The following USH2A variants were observed in gnomAD, a reference collection of about 807,000 sequenced individuals.
USH2A encodes the protein usherin.
USH2A carries 443 observed loss-of-function variants against 538.9 expected under a neutral mutation model. The ratio of observed to expected loss-of-function variants is 0.82; its 90% CI spans 0.76 to 0.89. The LOEUF is 0.89. USH2A is among the 40% of genes least tolerant of loss of function. The pLI is 0.00. For synonymous variants in USH2A, 2,413 were observed against 2,273.5 expected (o/e 1.06, Z -1.75); for missense variants, 6,633 against 6,324.8 (o/e 1.05, Z -1.65).
chr1:215,903,874 G>A (rs1472050416), intron 38 of USH2A, among the ~76,000 whole-genome samples: 1 of 152,036 alleles, frequency 6.6e-6, no homozygotes, highest in African/African-American at 2.4e-5. Context: ...GCTGTCCAGG[G>A]CCAACTATCC....
chr1:215,782,906 C>T lies in USH2A; in HGVS notation c.10417G>A (p.Glu3473Lys). The T allele has an allele frequency of 6.2e-7, 1 of 1,613,520 alleles. No homozygotes were observed. The highest frequency in any genetic ancestry group is 1.1e-5 in the South Asian group (1 of 91,032). The change falls in exon 53 of 72, where the codon GAG becomes AAG. Residue 3473 changes from glutamate (E) to lysine (K), a missense_variant. Coordinates refer to ENST00000307340, the MANE Select transcript of USH2A (RefSeq NM_206933.4). ...DVNLKPYMTYEYRISAWNSYG... is the reference protein window; with the variant it reads ...DVNLKPYMTYKYRISAWNSYG... ...CTGTTCCAGGCAGAAATCCTGTACT[C>T]ATATGTCATGTAGGGCTTGAGGTTC...
chr1:216,365,331 T>C (rs916636870), intron 3 of USH2A, among the ~76,000 whole-genome samples: 1 of 152,150 alleles, frequency 6.6e-6, no homozygotes, highest in Non-Finnish European at 1.5e-5. Context: ...TAATAGTTTG[T>C]CCCATACATG....
chr1:215,769,438 T>C (rs752395402), intron 55 of USH2A, among the ~76,000 whole-genome samples: 1 of 152,212 alleles, frequency 6.6e-6, no homozygotes, highest in Non-Finnish European at 1.5e-5. Flanking sequence ...AAAATTAATG[T>C]ATATAAAAAT....
chr1:216,262,050 A>G (rs2036384089), intron 11 of USH2A, among the ~76,000 whole-genome samples: 1 of 152,146 alleles, frequency 6.6e-6, no homozygotes, highest in South Asian at 2.1e-4. Flanking sequence ...ACACTCTAGA[A>G]CTTATCTACA....
chr1:215,963,295 A>C (rs1376941525), intron 37 of USH2A, among the ~76,000 whole-genome samples: 1 of 152,076 alleles, frequency 6.6e-6, no homozygotes, highest in Non-Finnish European at 1.5e-5. Flanking sequence ...GGGTGACAGG[A>C]CAAGACAATA....
At chr1:216,310,736 A>T (rs554716357) in intron 9 of USH2A, among the ~76,000 whole-genome samples, 3 of 152,168 alleles carry the variant, frequency 2.0e-5, no homozygotes, top group Non-Finnish European at 4.4e-5. Flanking sequence ...TTTCTGAATT[A>T]TTTTTCTGTG....
chr1:216,391,162 G>A (rs1426042703), intron 3 of USH2A, among the ~76,000 whole-genome samples: 1 of 152,180 alleles, frequency 6.6e-6, no homozygotes, highest in East Asian at 1.9e-4. Context: ...ATATGCTTAA[G>A]CTGGTGCTAT....
At chr1:215,766,084 A>G (rs1022578264) in intron 56 of USH2A, among the ~76,000 whole-genome samples, 2 of 152,210 alleles carry the variant, frequency 1.3e-5, no homozygotes, top group African/African-American at 4.8e-5. Flanking sequence ...TCCATCTTAC[A>G]TTCCTTCCAA....
chr1:215,716,703 A>G (rs1367241166), intron 61 of USH2A, among the ~76,000 whole-genome samples: 1 of 152,220 alleles, frequency 6.6e-6, no homozygotes, highest in Non-Finnish European at 1.5e-5. Context: ...TGATTTTGTA[A>G]TGTGAATATT....
intron 32 of USH2A, among the ~76,000 whole-genome samples, 200 bp downstream of exon 32, chr1:216,046,231 C>T (rs915848240): frequency 1.3e-5 from 2 of 151,902 alleles, no homozygotes; most frequent in African/African-American, 2.4e-5. Flanking sequence ...AATGTAAATG[C>T]TATGTAAATA....
intron 64 of USH2A, among the ~76,000 whole-genome samples, chr1:215,666,887 T>C (rs1198730118): frequency 6.6e-6 from 1 of 151,924 alleles, no homozygotes; most frequent in Non-Finnish European, 1.5e-5. Context: ...GTCAGGAGAT[T>C]GAGACCATCC....
At chr1:215,629,415 T>C (rs150541611) in intron 70 of USH2A, among the ~76,000 whole-genome samples, 257 of 152,256 alleles carry the variant, frequency 1.7e-3, no homozygotes, top group African/African-American at 5.7e-3. Context: ...TCTTCATACA[T>C]GTCAGCACAG....
At chr1:216,192,688 C>G (rs1238783764) in intron 19 of USH2A, among the ~76,000 whole-genome samples, 1 of 151,770 alleles carries the variant, frequency 6.6e-6, no homozygotes, top group Admixed American at 6.6e-5. Flanking sequence ...GGTGACAGAG[C>G]GAGACTCTGT....
At chr1:216,288,323 A>C (rs1445067248) in intron 11 of USH2A, among the ~76,000 whole-genome samples, 1 of 152,120 alleles carries the variant, frequency 6.6e-6, no homozygotes, top group Non-Finnish European at 1.5e-5. Flanking sequence ...TCTACTCTTC[A>C]GCTTTCTAAT....
intron 61 of USH2A, among the ~76,000 whole-genome samples, chr1:215,690,060 C>T (rs78319123): frequency 0.061 from 9,288 of 152,204 alleles, 413 homozygotes; most frequent in South Asian, 0.16. Flanking sequence ...CATTACTCTT[C>T]GAAGTTGGTT....
intron 60 of USH2A, among the ~76,000 whole-genome samples, chr1:215,734,076 C>T (rs1660083214): frequency 6.6e-6 from 1 of 152,214 alleles, no homozygotes; most frequent in African/African-American, 2.4e-5. Flanking sequence ...ACCCCTGTGG[C>T]AGCCTTCTGC....
At chr1:216,048,196 C>T (rs570423187) in intron 31 of USH2A, among the ~76,000 whole-genome samples, 4 of 152,264 alleles carry the variant, frequency 2.6e-5, no homozygotes, top group Admixed American at 2.0e-4. Flanking sequence ...CAGACTGTCT[C>T]TAGATTTACT....
chr1:216,375,548 G>A lies in USH2A; in HGVS notation c.652-10463C>T, dbSNP rs571020925. ...TAGGGCCTTGTCTGGATTAGACTTT[G>A]GTTTAAGAGAATATTGTAGCTGGTC... On this transcript the variant is annotated intron_variant, in intron 3 of 71. Coordinates refer to ENST00000307340, the MANE Select transcript of USH2A (RefSeq NM_206933.4). Among the ~76,000 whole-genome samples, 163 of 152,206 alleles carry A rather than the reference G, an allele frequency of 1.1e-3. 5 individuals carry two copies. In the South Asian group the frequency reaches 0.031, roughly 29 times the overall value.
intron 21 of USH2A, among the ~76,000 whole-genome samples, chr1:216,158,189 C>T (rs980660036): frequency 5.3e-5 from 8 of 152,038 alleles, no homozygotes; most frequent in African/African-American, 1.7e-4. Flanking sequence ...AATAAAGTTG[C>T]TATGAACAAC....
Sources: gnomAD v4.1 joint callset for allele counts (sites outside exome capture counted in the v4.1 genomes callset) on GRCh38, gnomAD v4.1.1 for gene constraint, MANE v1.5 for transcripts, NCBI Gene and HGNC (gene_info 2026-07-23, HGNC 2026-07-21) for gene names.